The following METTL16 variants were observed in gnomAD, a reference collection of about 807,000 sequenced individuals.
METTL16 encodes the protein RNA N(6)-adenosine-methyltransferase METTL16.
In METTL16, 19 loss-of-function variants were observed where a neutral mutation model predicts 57.9. The ratio of observed to expected loss-of-function variants is 0.33; its 90% CI spans 0.23 to 0.48. The LOEUF is 0.48. Among genes scored for constraint, METTL16 ranks in the 20% least tolerant of loss-of-function variants. The probability of loss-of-function intolerance (pLI) is 0.99; values close to 1 mark genes in which losing one functional copy is unlikely to be tolerated. For missense variants in METTL16, 434 were observed against 691.5 expected, an observed-to-expected ratio of 0.63 and a Z score of 4.18; for synonymous variants, 246 against 255.6, an observed-to-expected ratio of 0.96 and a Z score of 0.36.
intron 2 of METTL16, among the ~76,000 whole-genome samples, chr17:2,478,341 C>T (rs180887358): frequency 4.1e-4 from 62 of 152,288 alleles, no homozygotes; most frequent in Admixed American, 2.0e-3. Context: ...TTACCATTAA[C>T]ATCATCTGAC....
chr17:2,434,258 G>A (rs2066894574), intron 8 of METTL16, among the ~76,000 whole-genome samples: 1 of 152,146 alleles, frequency 6.6e-6, no homozygotes, highest in Admixed American at 6.5e-5. Context: ...GTGGGCAACG[G>A]CGTGACCTCG....
chr17:2,484,682 C>T (rs1456620595), intron 2 of METTL16, among the ~76,000 whole-genome samples: 2 of 152,004 alleles, frequency 1.3e-5, no homozygotes, highest in South Asian at 2.1e-4. Context: ...TTAGTAGAGA[C>T]GGGGTTTCGC....
chr17:2,428,582 T>A (rs2066841936), intron 8 of METTL16, among the ~76,000 whole-genome samples: 1 of 37,766 alleles, frequency 2.6e-5, no homozygotes, highest in African/African-American at 1.3e-4. Context: ...TATATATATA[T>A]ATATATATAT....
intron 2 of METTL16, among the ~76,000 whole-genome samples, chr17:2,478,665 T>C (rs898205789): frequency 2.6e-5 from 4 of 152,202 alleles, no homozygotes; most frequent in African/African-American, 9.7e-5. Flanking sequence ...AACGTTAGCC[T>C]GAGGCAACCA....
At chr17:2,452,000 G>C (rs1404409337) in intron 6 of METTL16, among the ~76,000 whole-genome samples, 1 of 151,976 alleles carries the variant, frequency 6.6e-6, no homozygotes, top group Non-Finnish European at 1.5e-5. Flanking sequence ...AGCTGGGCAT[G>C]GTGATGCATG....
At chr17:2,423,796 C>A (rs1456878725) in intron 8 of METTL16, among the ~76,000 whole-genome samples, 2 of 152,046 alleles carry the variant, frequency 1.3e-5, no homozygotes, top group Non-Finnish European at 2.9e-5. Flanking sequence ...CTAAAGCTGA[C>A]CTGCGACACT....
intron 2 of METTL16, among the ~76,000 whole-genome samples, chr17:2,498,197 A>G (rs2067460728): frequency 7.1e-6 from 1 of 141,472 alleles, no homozygotes; most frequent in South Asian, 2.3e-4. Context: ...CCATCTCAAA[A>G]AAAAAAGAGA....
At position 2,467,707 on chromosome 17, in the gene METTL16, T is replaced by C. The variant is rs1162675485; in HGVS notation, c.585+54A>G. On this transcript the variant is annotated intron_variant, in intron 5 of 9. Transcript: ENST00000263092. ...TCCCAAAGTGCAGGGATTACAGGCG[T>C]GAGCCACCGCGCCCAGCCTATATTC... is the stretch of plus-strand genomic sequence containing the variant. 14 of 1,419,818 alleles carry C rather than the reference T, an allele frequency of 9.9e-6. No individual in the cohort carries two copies. The South Asian group carries it at 1.6e-4, about 16-fold the overall frequency. The allele number at this position is 1,419,818 out of a possible 1,614,324, so 88.0% of individuals were successfully genotyped here.
chr17:2,478,326 T>C (rs919086479), intron 2 of METTL16, among the ~76,000 whole-genome samples: 3 of 152,254 alleles, frequency 2.0e-5, no homozygotes, highest in Non-Finnish European at 2.9e-5. Flanking sequence ...TAGCTGTTTT[T>C]ACTCTTACCA....
chr17:2,467,684 C>T, intron 5 of METTL16, 77 bp downstream of exon 5: 1 of 1,125,696 alleles, frequency 8.9e-7, no homozygotes, highest in South Asian at 1.3e-5. Flanking sequence ...CCTTGGCCTC[C>T]CAAAGTGCAG....
intron 2 of METTL16, among the ~76,000 whole-genome samples, chr17:2,484,731 C>T (rs1304589438): frequency 6.6e-6 from 1 of 152,052 alleles, no homozygotes; most frequent in Non-Finnish European, 1.5e-5. Context: ...TGACCTCAGG[C>T]ATACTGCCTG....
chr17:2,466,124 T>C (rs1597457645), intron 5 of METTL16, among the ~76,000 whole-genome samples: 1 of 140,936 alleles, frequency 7.1e-6, no homozygotes, highest in East Asian at 2.1e-4. Context: ...ACCTGGGAGG[T>C]GGAGGTTGCA....
chr17:2,496,519 T>G (rs1211627530), intron 2 of METTL16, among the ~76,000 whole-genome samples: 9 of 151,796 alleles, frequency 5.9e-5, no homozygotes. Flanking sequence ...TCATCTTCAC[T>G]GAAAGTTATT....
intron 4 of METTL16, among the ~76,000 whole-genome samples, chr17:2,473,272 T>C (rs1308228229): frequency 6.6e-6 from 1 of 152,032 alleles, no homozygotes; most frequent in Non-Finnish European, 1.5e-5. Context: ...CTAAAATAAA[T>C]GAATGGATAA....
intron 6 of METTL16, among the ~76,000 whole-genome samples, chr17:2,461,250 AG>A (rs1339930887): frequency 3.3e-5 from 5 of 152,148 alleles, no homozygotes; most frequent in Admixed American, 2.6e-4. Flanking sequence ...CCAACTACTC[AG>A]GAAGTTGAGG....
intron 8 of METTL16, among the ~76,000 whole-genome samples, chr17:2,422,889 A>G (rs561069371): frequency 3.1e-4 from 47 of 152,160 alleles, no homozygotes; most frequent in African/African-American, 1.1e-3. Flanking sequence ...AGGCTGAGGC[A>G]GGAGAATCAC....
At chr17:2,470,609 G>A (rs2067228989) in intron 4 of METTL16, among the ~76,000 whole-genome samples, 1 of 152,108 alleles carries the variant, frequency 6.6e-6, no homozygotes, top group Non-Finnish European at 1.5e-5. Flanking sequence ...AGGAGTTCAA[G>A]ACCAGCCTGG....
intron 1 of METTL16, among the ~76,000 whole-genome samples, chr17:2,503,036 G>A (rs189364392): frequency 6.6e-6 from 1 of 152,302 alleles, no homozygotes; most frequent in East Asian, 1.9e-4. Flanking sequence ...AAAAACGCTT[G>A]GCGGTTCTTT....
At chr17:2,440,315 C>T (rs1303482560) in intron 7 of METTL16, among the ~76,000 whole-genome samples, 4 of 151,776 alleles carry the variant, frequency 2.6e-5, no homozygotes, top group Non-Finnish European at 5.9e-5. Flanking sequence ...GTGGCACGAT[C>T]TCAGCTCACT....
Sources: allele counts gnomAD v4.1 joint callset (sites outside exome capture counted in the v4.1 genomes callset), GRCh38; gene constraint gnomAD v4.1.1; transcripts MANE v1.5; gene names NCBI Gene and HGNC (gene_info 2026-07-23, HGNC 2026-07-21).